MCTP1: variants seen among roughly 807,000 people sequenced by gnomAD.
MCTP1 encodes multiple C2 and transmembrane domain containing 1, also known as multiple C2 and transmembrane domain-containing protein 1.
A neutral mutation model predicts 120.6 loss-of-function variants in MCTP1; 69 were observed. That is an observed-to-expected ratio of 0.57 (90% CI 0.47 to 0.70). The LOEUF is 0.70. Ranked by LOEUF, MCTP1 falls within the 30% of genes least tolerant of loss-of-function variation. MCTP1 has a pLI of 0.00. For missense variants in MCTP1, 1,203 were observed against 1,248.8 expected (o/e 0.96, Z 0.55); for synonymous variants, 529 against 493.1 (o/e 1.07, Z -0.96).
At chr5:94,946,375 G>A (rs1007754253) in intron 3 of MCTP1, among the ~76,000 whole-genome samples, 1 of 152,146 alleles carries the variant, frequency 6.6e-6, no homozygotes, top group Non-Finnish European at 1.5e-5. Context: ...ATATGGAAGT[G>A]GCTTAATGGC....
intron 1 of MCTP1, among the ~76,000 whole-genome samples, chr5:95,196,133 A>G (rs1444995621): frequency 1.3e-5 from 2 of 152,236 alleles, no homozygotes; most frequent in Admixed American, 6.5e-5. Context: ...CTGAGCAGAC[A>G]AATATCTTGA....
At chr5:95,268,716 C>T (rs370472185) in intron 1 of MCTP1, among the ~76,000 whole-genome samples, 3 of 152,188 alleles carry the variant, frequency 2.0e-5, no homozygotes, top group Non-Finnish European at 2.9e-5. Flanking sequence ...AGGTCGGCAA[C>T]GTTAATCACC....
intron 1 of MCTP1, among the ~76,000 whole-genome samples, chr5:95,050,283 A>G (rs1326879513): frequency 1.3e-5 from 2 of 152,214 alleles, no homozygotes; most frequent in Admixed American, 1.3e-4. Flanking sequence ...CCATAAATAA[A>G]ACGTTTTTGT....
At chr5:94,757,622 G>A (rs1205668011) in intron 19 of MCTP1, among the ~76,000 whole-genome samples, 1 of 152,168 alleles carries the variant, frequency 6.6e-6, no homozygotes, top group Non-Finnish European at 1.5e-5. Context: ...GACTTGAGAC[G>A]AAAGGCAGAA....
chr5:95,077,171 T>C (rs1753779900), intron 1 of MCTP1, among the ~76,000 whole-genome samples: 1 of 152,230 alleles, frequency 6.6e-6, no homozygotes, highest in Non-Finnish European at 1.5e-5. Context: ...AAAGAGATGC[T>C]ATATACTTTT....
intron 19 of MCTP1, among the ~76,000 whole-genome samples, chr5:94,718,257 G>A (rs1759997262): frequency 6.6e-6 from 1 of 152,158 alleles, no homozygotes; most frequent in Non-Finnish European, 1.5e-5. Context: ...AACAAGCAAT[G>A]AGGAAAGGAT....
intron 1 of MCTP1, among the ~76,000 whole-genome samples, chr5:95,169,204 A>T (rs1746869712): frequency 1.3e-5 from 2 of 152,046 alleles, no homozygotes; most frequent in African/African-American, 4.8e-5. Context: ...ACATTTATTG[A>T]TTTGCATATG....
chr5:95,012,708 G>C (rs1037223937), intron 2 of MCTP1, among the ~76,000 whole-genome samples: 5 of 152,102 alleles, frequency 3.3e-5, no homozygotes, highest in African/African-American at 1.2e-4. Context: ...GCTCACAGGA[G>C]ACTGAGAAAT....
intron 1 of MCTP1, among the ~76,000 whole-genome samples, chr5:95,084,793 T>G (rs943399871): frequency 7.2e-5 from 11 of 152,160 alleles, no homozygotes; most frequent in Non-Finnish European, 1.0e-4. Context: ...TTTTTTTGGC[T>G]TGCTCTAGTC....
At chr5:95,034,942 T>C (rs1030994829) in intron 1 of MCTP1, among the ~76,000 whole-genome samples, 3 of 152,062 alleles carry the variant, frequency 2.0e-5, no homozygotes, top group Admixed American at 6.6e-5. Context: ...AAGGAAGATA[T>C]ACAAGTGACC....
chr5:94,724,412 ATTT>A (rs34497014), intron 19 of MCTP1, among the ~76,000 whole-genome samples: 2,569 of 138,456 alleles, frequency 0.019, 44 homozygotes, highest in African/African-American at 0.05. Flanking sequence ...CGTCTGGCTA[ATTT>A]TTTTTTTTTT....
intron 17 of MCTP1, among the ~76,000 whole-genome samples, chr5:94,866,919 T>G (rs1796925447): frequency 6.6e-6 from 1 of 151,906 alleles, no homozygotes; most frequent in South Asian, 2.1e-4. Flanking sequence ...TTATATGCAT[T>G]TCTGGTCTTT....
chr5:95,133,877 G>GA (rs972136316), intron 1 of MCTP1, among the ~76,000 whole-genome samples: 37 of 152,224 alleles, frequency 2.4e-4, no homozygotes, highest in African/African-American at 8.4e-4. Context: ...TCTACGGAAA[G>GA]AAAAAAGGTT....
intron 6 of MCTP1, among the ~76,000 whole-genome samples, chr5:94,924,800 T>A (rs564370732): frequency 1.3e-5 from 2 of 152,194 alleles, no homozygotes; most frequent in Admixed American, 1.3e-4. Flanking sequence ...ATGACAGTCA[T>A]GGGAAAGCAT....
At chr5:94,855,592 A>G (rs1307003902) in intron 17 of MCTP1, among the ~76,000 whole-genome samples, 2 of 151,820 alleles carry the variant, frequency 1.3e-5, no homozygotes, top group Non-Finnish European at 2.9e-5. Context: ...AATAATTTAT[A>G]CAGATATATC....
intron 18 of MCTP1, 36 bp from the exon 19 acceptor site, chr5:94,779,199 T>A (rs1561622136): frequency 1.3e-6 from 2 of 1,573,950 alleles, no homozygotes; most frequent in South Asian, 2.2e-5. Context: ...TTTGTGCTCT[T>A]AAAGGAGAGA....
At chr5:94,967,074 A>G (rs1276816393) in intron 2 of MCTP1, among the ~76,000 whole-genome samples, 1 of 152,180 alleles carries the variant, frequency 6.6e-6, no homozygotes, top group Non-Finnish European at 1.5e-5. Context: ...ATGTAAAAAT[A>G]CTGATACAAC....
intron 1 of MCTP1, among the ~76,000 whole-genome samples, chr5:95,131,195 A>G (rs1442004951): frequency 6.6e-6 from 1 of 152,128 alleles, no homozygotes; most frequent in Non-Finnish European, 1.5e-5. Flanking sequence ...TGCCTTTGAC[A>G]ACAAGGAAGG....
intron 1 of MCTP1, among the ~76,000 whole-genome samples, chr5:95,275,071 A>G (rs1040641303): frequency 6.6e-6 from 1 of 152,112 alleles, no homozygotes; most frequent in African/African-American, 2.4e-5. Context: ...TACATGTCAT[A>G]TTGATGCTTA....
Sources: allele counts gnomAD v4.1 joint callset (sites outside exome capture counted in the v4.1 genomes callset), GRCh38; gene constraint gnomAD v4.1.1; transcripts MANE v1.5; gene names NCBI Gene and HGNC (gene_info 2026-07-23, HGNC 2026-07-21).